Variants in ARHGEF12 observed in about 807,000 individuals in gnomAD.
The protein encoded by ARHGEF12 is KMT2A/ARHGEF12 fusion protein.
In ARHGEF12, 66 loss-of-function variants were observed where a neutral mutation model predicts 211.2. The ratio of observed to expected loss-of-function variants is 0.31; its 90% confidence interval spans 0.26 to 0.38. The LOEUF is 0.38. Ranked by LOEUF, ARHGEF12 falls within the 10% of genes least tolerant of loss-of-function variation. The pLI is 1.00. For missense variants in ARHGEF12, 1,429 were observed against 1,869.5 expected (o/e 0.76, Z 4.34); for synonymous variants, 592 against 638.4 (o/e 0.93, Z 1.09).
At chr11:120,400,687 C>A (rs1444133323) in intron 1 of ARHGEF12, among the ~76,000 whole-genome samples, 1 of 152,084 alleles carries the variant, frequency 6.6e-6, no homozygotes, top group African/African-American at 2.4e-5. Context: ...CAGTCAGCAA[C>A]AACTAATAGT....
At chr11:120,433,799 C>A (rs1394099220) in intron 11 of ARHGEF12, among the ~76,000 whole-genome samples, 1 of 151,056 alleles carries the variant, frequency 6.6e-6, no homozygotes. Context: ...ACTAAAAATA[C>A]AAAAAAAAAT....
intron 1 of ARHGEF12, among the ~76,000 whole-genome samples, chr11:120,350,438 C>T (rs1942899825): frequency 6.6e-6 from 1 of 151,026 alleles, no homozygotes; most frequent in Non-Finnish European, 1.5e-5. Flanking sequence ...TGGCTTGAAC[C>T]TGGGAGGCAG....
At chr11:120,412,710 A>G (rs1167742631) in intron 4 of ARHGEF12, among the ~76,000 whole-genome samples, 1 of 152,212 alleles carries the variant, frequency 6.6e-6, no homozygotes, top group African/African-American at 2.4e-5. Flanking sequence ...ATTCAGAGTG[A>G]CCAAACTGGA....
chr11:120,358,743 T>G (rs1324569771), intron 1 of ARHGEF12, among the ~76,000 whole-genome samples: 1 of 152,178 alleles, frequency 6.6e-6, no homozygotes, highest in Non-Finnish European at 1.5e-5. Flanking sequence ...TAGAACGTTT[T>G]AAATTATTGC....
intron 1 of ARHGEF12, among the ~76,000 whole-genome samples, chr11:120,367,098 A>G (rs558474779): frequency 2.0e-5 from 3 of 152,244 alleles, no homozygotes; most frequent in African/African-American, 4.8e-5. Context: ...TTGCTGTCCA[A>G]CAGTCTTATT....
At position 120,442,320 on chromosome 11, in the gene ARHGEF12, A is replaced by G; in HGVS notation, c.1302+118A>G. 7.9e-6 allele frequency: 5 copies of G among 630,630 alleles called. No homozygotes were observed. In the South Asian group the frequency reaches 1.1e-4, roughly 14 times the overall value. The allele number at this position is 630,630 out of a possible 1,614,324, so 39.1% of individuals were successfully genotyped here. ...TACTGTGCTTTCTCACACCTGTATT[A>G]TATTTCAATTATTGATTACTCTAGA... is the stretch of plus-strand genomic sequence containing the variant. On this transcript the variant is annotated intron_variant, in intron 15 of 40. Transcript: ENST00000397843.
chr11:120,395,397 G>C (rs977683331), intron 1 of ARHGEF12, among the ~76,000 whole-genome samples: 9 of 152,124 alleles, frequency 5.9e-5, no homozygotes, highest in African/African-American at 1.9e-4. Flanking sequence ...GAGAAGACTG[G>C]AATGAACCTG....
chr11:120,489,105 G>T lies in ARHGEF12; in HGVS notation c.*4028G>T, dbSNP rs1015059283. The stretch of plus-strand genomic sequence containing the variant: ...GTTATATTAGAAAAGTTGAGGAGTC[G>T]AGGAGCCTGTAATTAATTTTCCTGT... On this transcript the variant is annotated 3_prime_UTR_variant, in exon 41 of 41. Coordinates refer to ENST00000397843, the MANE Select transcript of ARHGEF12 (RefSeq NM_015313.3). The T allele has an allele frequency of 2.7e-5, 6 of 224,308 alleles. No individual in the cohort carries two copies. The East Asian group carries it at 3.9e-4, about 15-fold the overall frequency. 13.9% of individuals were successfully genotyped at this position (224,308 alleles called of 1,614,324 possible).
chr11:120,387,844 A>G (rs555256017), intron 1 of ARHGEF12, among the ~76,000 whole-genome samples: 2 of 152,280 alleles, frequency 1.3e-5, no homozygotes, highest in East Asian at 3.9e-4. Flanking sequence ...CTTTTGCTTA[A>G]AAGATATTTC....
intron 1 of ARHGEF12, among the ~76,000 whole-genome samples, chr11:120,395,857 C>T (rs1944366869): frequency 6.6e-6 from 1 of 152,082 alleles, no homozygotes; most frequent in African/African-American, 2.4e-5. Context: ...GGTGGGGACA[C>T]AGCCAAACCA....
At chr11:120,341,051 C>T (rs2135232066) in intron 1 of ARHGEF12, among the ~76,000 whole-genome samples, 1 of 152,016 alleles carries the variant, frequency 6.6e-6, no homozygotes, top group Non-Finnish European at 1.5e-5. Flanking sequence ...ATGTATATAC[C>T]ATCGAGTTAA....
intron 4 of ARHGEF12, among the ~76,000 whole-genome samples, chr11:120,419,127 T>A (rs1219578944): frequency 1.3e-5 from 2 of 151,782 alleles, no homozygotes; most frequent in Non-Finnish European, 2.9e-5. Flanking sequence ...GTTCGGCTAA[T>A]TTTTTTGTAT....
At chr11:120,343,911 A>G (rs1443384600) in intron 1 of ARHGEF12, among the ~76,000 whole-genome samples, 4 of 152,212 alleles carry the variant, frequency 2.6e-5, no homozygotes, top group African/African-American at 7.2e-5. Flanking sequence ...CATATACTCA[A>G]AAGATCAAAG....
At position 120,445,505 on chromosome 11, in the gene ARHGEF12, A is replaced by G. The variant is rs774952803; in HGVS notation, c.1345+41A>G. 7 of 1,585,700 alleles carry G rather than the reference A, an allele frequency of 4.4e-6. No homozygotes were observed. In the South Asian group the frequency reaches 7.7e-5, roughly 18 times the overall value. On this transcript the variant is annotated intron_variant, in intron 16 of 40. Coordinates refer to ENST00000397843, the MANE Select transcript of ARHGEF12 (RefSeq NM_015313.3). ...TAACATCCTGGAGAATTACATCTTA[A>G]TAGATATGTAGCTCAGCTCATCTGT...
chr11:120,374,656 C>T (rs904292405), intron 1 of ARHGEF12, among the ~76,000 whole-genome samples: 4 of 152,136 alleles, frequency 2.6e-5, no homozygotes, highest in Non-Finnish European at 4.4e-5. Context: ...TTCCAGTATG[C>T]AGAATTGACC....
intron 13 of ARHGEF12, among the ~76,000 whole-genome samples, chr11:120,440,547 C>G (rs1945838493): frequency 6.6e-6 from 1 of 152,100 alleles, no homozygotes; most frequent in Non-Finnish European, 1.5e-5. Flanking sequence ...TAGCTAGATT[C>G]TTGTCCTTGT....
At chr11:120,421,917 T>G in intron 6 of ARHGEF12, 65 bp downstream of exon 6, 1 of 1,291,270 alleles carries the variant, frequency 7.7e-7, no homozygotes, top group Non-Finnish European at 1.1e-6. Flanking sequence ...GGTCATATTC[T>G]GATTTTTTTC....
chr11:120,361,521 T>C (rs577134964), intron 1 of ARHGEF12, among the ~76,000 whole-genome samples: 181 of 152,362 alleles, frequency 1.2e-3, no homozygotes, highest in African/African-American at 4.2e-3. Flanking sequence ...AAGTTATTTA[T>C]TGGACATCTG....
chr11:120,459,108 A>G (rs1946446598), intron 25 of ARHGEF12, 66 bp from the exon 26 acceptor site: 6 of 1,294,728 alleles, frequency 4.6e-6, no homozygotes, highest in Admixed American at 2.7e-5. Context: ...CTCCAGCTAA[A>G]GACTATGATT....
Sources: gnomAD v4.1 joint callset for allele counts (sites outside exome capture counted in the v4.1 genomes callset) on GRCh38, gnomAD v4.1.1 for gene constraint, MANE v1.5 for transcripts, NCBI Gene and HGNC (gene_info 2026-07-23, HGNC 2026-07-21) for gene names.